PHLPP1: variants seen among roughly 807,000 people sequenced by gnomAD.
The protein encoded by PHLPP1 is PH domain and leucine rich repeat protein phosphatase 1.
A neutral mutation model predicts 117.2 loss-of-function variants in PHLPP1; 42 were observed. The ratio of observed to expected loss-of-function variants is 0.36; its 90% CI spans 0.28 to 0.46. PHLPP1 has a LOEUF of 0.46. Ranked by LOEUF, PHLPP1 falls within the 20% of genes least tolerant of loss-of-function variation. The pLI is 1.00. For missense variants in PHLPP1, 2,084 were observed against 2,241.9 expected, an observed-to-expected ratio of 0.93 and a Z score of 1.42; for synonymous variants, 1,042 against 970.7, an observed-to-expected ratio of 1.07 and a Z score of -1.37.
chr18:62,948,562 G>C (rs1016891392), intron 12 of PHLPP1, among the ~76,000 whole-genome samples: 1 of 151,422 alleles, frequency 6.6e-6, no homozygotes, highest in African/African-American at 2.4e-5. Context: ...TTGCTCTTTG[G>C]TTGATTTTCC....
intron 1 of PHLPP1, among the ~76,000 whole-genome samples, chr18:62,822,272 TTTTTTTTGTTTTTG>T (rs1568128018): frequency 6.9e-6 from 1 of 144,382 alleles, no homozygotes; most frequent in Non-Finnish European, 1.5e-5. Flanking sequence ...AGTGTTTTTT[TTTTTTTTGTTTTTG>T]TTTTTTTTTT....
At chr18:62,794,194 C>T (rs1285102004) in intron 1 of PHLPP1, among the ~76,000 whole-genome samples, 2 of 151,880 alleles carry the variant, frequency 1.3e-5, no homozygotes, top group African/African-American at 2.4e-5. Context: ...CTATCCCCCC[C>T]GAAAAAAGTG....
chr18:62,913,366 A>G (rs1386105681), intron 8 of PHLPP1, among the ~76,000 whole-genome samples: 1 of 152,228 alleles, frequency 6.6e-6, no homozygotes, highest in Admixed American at 6.5e-5. Flanking sequence ...GCTTATACAG[A>G]CACTAAGCAG....
chr18:62,825,507 C>G (rs193258455), intron 1 of PHLPP1: 54 of 150,382 alleles, frequency 3.6e-4, no homozygotes, highest in African/African-American at 1.2e-3. Context: ...CTCCCAGGCT[C>G]TGGAGTGCAG....
intron 3 of PHLPP1, among the ~76,000 whole-genome samples, chr18:62,854,471 G>A (rs998592430): frequency 6.6e-6 from 1 of 152,136 alleles, no homozygotes; most frequent in Non-Finnish European, 1.5e-5. Context: ...GTCAGCAGAT[G>A]GTCTCTACTG....
intron 1 of PHLPP1, among the ~76,000 whole-genome samples, chr18:62,736,468 G>T (rs1487385446): frequency 6.6e-6 from 1 of 152,112 alleles, no homozygotes; most frequent in Non-Finnish European, 1.5e-5. Context: ...TGGCTCTTTT[G>T]GCAACAGAAG....
intron 1 of PHLPP1, among the ~76,000 whole-genome samples, chr18:62,822,181 G>C (rs1224369751): frequency 2.0e-5 from 3 of 149,966 alleles, no homozygotes; most frequent in Non-Finnish European, 4.4e-5. Flanking sequence ...ATCCCTTTCT[G>C]ATTTAGAAAA....
At chr18:62,781,915 GT>G (rs1913131147) in intron 1 of PHLPP1, among the ~76,000 whole-genome samples, 2 of 152,172 alleles carry the variant, frequency 1.3e-5, no homozygotes, top group South Asian at 4.1e-4. Flanking sequence ...CTAAGAAACT[GT>G]TTTAGTGACT....
intron 12 of PHLPP1, among the ~76,000 whole-genome samples, chr18:62,953,933 G>A (rs1032834739): frequency 1.3e-5 from 2 of 152,170 alleles, no homozygotes; most frequent in Non-Finnish European, 2.9e-5. Flanking sequence ...GGCAGTACAG[G>A]CAGCTATTTG....
At chr18:62,946,335 C>T (rs745464568) in intron 12 of PHLPP1, among the ~76,000 whole-genome samples, 1 of 152,116 alleles carries the variant, frequency 6.6e-6, no homozygotes, top group Non-Finnish European at 1.5e-5. Context: ...AATCTTGGCT[C>T]ACTGCAACCT....
At chr18:62,898,207 G>C (rs1019717182) in intron 6 of PHLPP1, among the ~76,000 whole-genome samples, 10 of 152,108 alleles carry the variant, frequency 6.6e-5, no homozygotes, top group Non-Finnish European at 1.3e-4. Context: ...CACTTAAGCT[G>C]CCAGCTGGAT....
At chr18:62,961,309 A>G (rs1414144392) in intron 13 of PHLPP1, among the ~76,000 whole-genome samples, 1 of 152,208 alleles carries the variant, frequency 6.6e-6, no homozygotes, top group Non-Finnish European at 1.5e-5. Context: ...AATAAAAAAT[A>G]AAGATATACA....
rs372081998 is a variant in PHLPP1, at chr18:62,975,431, G to A, written c.3790G>A (p.Ala1264Thr). The A allele has an allele frequency of 8.7e-6, 14 of 1,613,782 alleles. No homozygotes were observed. The highest frequency in any genetic ancestry group is 1.2e-5 in the Non-Finnish European group (14 of 1,179,820). The stretch of plus-strand genomic sequence containing the variant: ...AACTGCTGGGCAGAAGCTTGGTGGT[G>A]CCGCTGTCCTTTGTCATATCAAGCA... ...LGTAGQKLGG[A>T]AVLCHIKHDP... Residue 1264 changes from alanine (A) to threonine (T), a missense_variant, in exon 16 of 17, where the codon GCC becomes ACC. Physicochemically the swap from Ala to Thr is moderately conservative, Grantham distance 58 (BLOSUM62 0). Transcript: ENST00000262719.
chr18:62,966,164 A>G (rs1326683408), intron 14 of PHLPP1, among the ~76,000 whole-genome samples: 1 of 152,070 alleles, frequency 6.6e-6, no homozygotes, highest in Non-Finnish European at 1.5e-5. Context: ...ACCTATCCTC[A>G]TGGGGTTGTT....
At chr18:62,853,611 C>T (rs1915416346) in intron 3 of PHLPP1, among the ~76,000 whole-genome samples, 1 of 152,170 alleles carries the variant, frequency 6.6e-6, no homozygotes, top group East Asian at 1.9e-4. Flanking sequence ...CTCAGGTGAT[C>T]TGCCCCCCTC....
chr18:62,871,567 A>T (rs1012068839), intron 4 of PHLPP1, among the ~76,000 whole-genome samples: 1 of 151,268 alleles, frequency 6.6e-6, no homozygotes, highest in Admixed American at 6.6e-5. Flanking sequence ...ACCTCAGGTG[A>T]TCTGACTGCC....
chr18:62,886,109 C>T (rs1363929624), intron 4 of PHLPP1, among the ~76,000 whole-genome samples: 3 of 152,108 alleles, frequency 2.0e-5, no homozygotes, highest in Non-Finnish European at 2.9e-5. Context: ...GTCATTATTA[C>T]CGTACTTTCA....
At chr18:62,935,968 A>T (rs552586865) in intron 10 of PHLPP1, among the ~76,000 whole-genome samples, 14 of 152,282 alleles carry the variant, frequency 9.2e-5, no homozygotes, top group African/African-American at 3.4e-4. Context: ...AAGCCATTGC[A>T]CTCCAGCTTG....
rs148576412 is a variant in PHLPP1 at position 62,851,547 on chromosome 18, G to A, written c.1900-8888G>A. Among the ~76,000 whole-genome samples the A allele has an allele frequency of 4.8e-4, 73 of 152,184 alleles. No individual in the cohort carries two copies. In the East Asian group the frequency reaches 9.9e-3, roughly 21 times the overall value. On this transcript the variant is annotated intron_variant, in intron 3 of 16. Transcript: ENST00000262719. ...GCGATCTTGGCTCACTGCAACCTCC[G>A]CCTCCCGGATTCAAGAGATTCTCTT...
Sources: allele counts gnomAD v4.1 joint callset (sites outside exome capture counted in the v4.1 genomes callset), GRCh38; gene constraint gnomAD v4.1.1; transcripts MANE v1.5; gene names NCBI Gene and HGNC (gene_info 2026-07-23, HGNC 2026-07-21).